The following SYT17 variants were observed in gnomAD, a reference collection of about 807,000 sequenced individuals.
The protein encoded by SYT17 is synaptotagmin-17.
SYT17 carries 22 observed loss-of-function variants against 46.7 expected under a neutral mutation model. That is an observed-to-expected ratio of 0.47 (90% CI 0.34 to 0.67). The LOEUF (loss-of-function observed/expected upper bound fraction) is 0.67. Ranked by LOEUF, SYT17 falls within the 30% of genes least tolerant of loss-of-function variation. The probability of loss-of-function intolerance (pLI) is 0.01; values close to 1 mark genes in which losing one functional copy is unlikely to be tolerated. For synonymous variants in SYT17, 251 were observed against 248.4 expected, an observed-to-expected ratio of 1.01 and a Z score of -0.10; for missense variants, 519 against 612.8, an observed-to-expected ratio of 0.85 and a Z score of 1.62.
chr16:19,197,714 C>T (rs1351622180), intron 5 of SYT17, among the ~76,000 whole-genome samples: 1 of 152,158 alleles, frequency 6.6e-6, no homozygotes, highest in Non-Finnish European at 1.5e-5. Context: ...GCATGAACCA[C>T]CGTGACCTGC....
At chr16:19,235,677 G>A (rs903470224) in intron 7 of SYT17, among the ~76,000 whole-genome samples, 8 of 152,180 alleles carry the variant, frequency 5.3e-5, no homozygotes, top group African/African-American at 1.9e-4. Flanking sequence ...GCTCCACGAA[G>A]TAAGGGTGAA....
At chr16:19,179,635 A>G (rs989861853) in intron 3 of SYT17, among the ~76,000 whole-genome samples, 1 of 152,194 alleles carries the variant, frequency 6.6e-6, no homozygotes, top group Non-Finnish European at 1.5e-5. Context: ...TACTGTCAAT[A>G]TTTCCACTTT....
At chr16:19,185,936 C>T (rs781415080) in intron 5 of SYT17, among the ~76,000 whole-genome samples, 4 of 152,170 alleles carry the variant, frequency 2.6e-5, no homozygotes, top group East Asian at 1.9e-4. Flanking sequence ...AGACAAGAGG[C>T]GGGGAGTGTT....
intron 7 of SYT17, among the ~76,000 whole-genome samples, chr16:19,239,579 A>C (rs1305616209): frequency 6.6e-6 from 1 of 152,228 alleles, no homozygotes; most frequent in Non-Finnish European, 1.5e-5. Context: ...AACAGCAAAC[A>C]CTTAAATCGT....
In SYT17 at chr16:19,178,333, C is replaced by T. The variant is rs1441964984; in HGVS notation, c.183-2058C>T. ...ATGTCCTGACCTCGTGATCCACCCGCCTCAGCCTCCCAAAATGCTGGGATT... is the reference window on the plus strand; with the variant it reads ...ATGTCCTGACCTCGTGATCCACCCGTCTCAGCCTCCCAAAATGCTGGGATT... On this transcript the variant is annotated intron_variant, in intron 3 of 7. Coordinates refer to ENST00000355377, the MANE Select transcript of SYT17 (RefSeq NM_016524.4). Among the ~76,000 whole-genome samples the T allele has an allele frequency of 2.6e-5, 4 of 152,228 alleles. No individual in the cohort carries two copies. In the South Asian group the frequency reaches 8.3e-4, roughly 32 times the overall value.
chr16:19,248,428 T>C (rs1185248615), intron 7 of SYT17, among the ~76,000 whole-genome samples: 2 of 152,344 alleles, frequency 1.3e-5, no homozygotes, highest in Non-Finnish European at 1.5e-5. Context: ...TATGCAGATG[T>C]TCCTGGAAGC....
At chr16:19,189,338 CTT>C (rs35195326) in intron 5 of SYT17, among the ~76,000 whole-genome samples, 4 of 129,558 alleles carry the variant, frequency 3.1e-5, no homozygotes, top group Non-Finnish European at 3.3e-5. Flanking sequence ...CTCAACCTGT[CTT>C]TTTTTTTTTT....
chr16:19,223,668 A>G (rs976036984), intron 6 of SYT17, among the ~76,000 whole-genome samples: 30 of 152,302 alleles, frequency 2.0e-4, no homozygotes, highest in African/African-American at 6.5e-4. Flanking sequence ...ACAGCAAAGG[A>G]TATTACTGTG....
intron 3 of SYT17, among the ~76,000 whole-genome samples, chr16:19,175,592 A>G (rs1190036334): frequency 6.9e-6 from 1 of 144,606 alleles, no homozygotes; most frequent in Non-Finnish European, 1.5e-5. Flanking sequence ...TCAGGGCTGC[A>G]GTGAGCTATA....
At chr16:19,208,151 A>G (rs1194482806) in intron 5 of SYT17, among the ~76,000 whole-genome samples, 1 of 152,228 alleles carries the variant, frequency 6.6e-6, no homozygotes, top group Admixed American at 6.5e-5. Context: ...TTATCAGGAA[A>G]CATAGTAAAA....
intron 7 of SYT17, among the ~76,000 whole-genome samples, chr16:19,229,949 G>T (rs1328676154): frequency 1.3e-5 from 2 of 152,160 alleles, no homozygotes; most frequent in African/African-American, 4.8e-5. Context: ...AGTGAAACAA[G>T]CCAGATATGA....
At chr16:19,261,919 A>G (rs1009327714) in intron 7 of SYT17, among the ~76,000 whole-genome samples, 1 of 152,174 alleles carries the variant, frequency 6.6e-6, no homozygotes, top group Non-Finnish European at 1.5e-5. Flanking sequence ...CCTCCCAAAG[A>G]CAAACTTAGT....
In SYT17 at chr16:19,267,003, T is replaced by A; in HGVS notation, c.1352T>A (p.Val451Glu). The A allele has an allele frequency of 6.2e-7, 1 of 1,611,924 alleles. No individual in the cohort carries two copies. The highest frequency in any genetic ancestry group is 2.2e-5 in the East Asian group (1 of 44,768). ...RRMLNTHRTA[V>E]EQWHSLRSRA... is the part of the protein sequence containing the mutation. ...ATGCTCAACACGCACCGCACAGCCG[T>A]GGAGCAGTGGCATAGCCTGAGGTCC... The change falls in exon 8 of 8, where the codon GTG becomes GAG. Residue 451 changes from valine (V) to glutamate (E), a missense_variant. Physicochemically the swap from Val to Glu is moderately radical, Grantham distance 121. Coordinates refer to ENST00000355377, the MANE Select transcript of SYT17 (RefSeq NM_016524.4).
intron 5 of SYT17, among the ~76,000 whole-genome samples, chr16:19,211,816 C>A (rs938259912): frequency 6.6e-6 from 1 of 151,904 alleles, no homozygotes; most frequent in Non-Finnish European, 1.5e-5. Flanking sequence ...TTAGTAGAGA[C>A]TCGGTTTCAC....
chr16:19,252,511 A>T (rs1968238875), intron 7 of SYT17, among the ~76,000 whole-genome samples: 1 of 22,232 alleles, frequency 4.5e-5, no homozygotes, highest in Admixed American at 7.8e-4. Flanking sequence ...ATATACATAT[A>T]TATATACATA....
intron 3 of SYT17, among the ~76,000 whole-genome samples, chr16:19,176,138 T>C (rs1262736044): frequency 6.6e-6 from 1 of 152,144 alleles, no homozygotes; most frequent in Non-Finnish European, 1.5e-5. Context: ...CATCAGAGCC[T>C]TTCTCTCTCT....
In SYT17 at chr16:19,182,767, G is replaced by A. The variant is rs181866197; in HGVS notation, c.332-761G>A. On this transcript the variant is annotated intron_variant, in intron 4 of 7. Coordinates refer to ENST00000355377, the MANE Select transcript of SYT17 (RefSeq NM_016524.4). ...CAATGCATTCTGCTGGTTCATGGAAGGGAGAGAGGCGGCCCGTAAGCGGTG... is the reference window on the plus strand; with the variant it reads ...CAATGCATTCTGCTGGTTCATGGAAAGGAGAGAGGCGGCCCGTAAGCGGTG... 3.4e-3 allele frequency among the ~76,000 whole-genome samples: 522 copies of A among 152,374 alleles called. 2 individuals are homozygous for A. Among genetic ancestry groups the A allele is most frequent in the South Asian group, 6.6e-3 (32 of 4,824 alleles).
intron 7 of SYT17, among the ~76,000 whole-genome samples, chr16:19,240,343 G>T (rs958798874): frequency 6.6e-6 from 1 of 152,064 alleles, no homozygotes; most frequent in African/African-American, 2.4e-5. Flanking sequence ...GAGGGGACCC[G>T]TAACAGGTAG....
intron 5 of SYT17, among the ~76,000 whole-genome samples, chr16:19,206,395 C>T (rs763018278): frequency 1.3e-5 from 2 of 152,100 alleles, no homozygotes; most frequent in African/African-American, 2.4e-5. Flanking sequence ...AGAGGTTCAG[C>T]GGCATGGCTG....
Sources: gnomAD v4.1 joint callset for allele counts (sites outside exome capture counted in the v4.1 genomes callset) on GRCh38, gnomAD v4.1.1 for gene constraint, MANE v1.5 for transcripts, NCBI Gene and HGNC (gene_info 2026-07-23, HGNC 2026-07-21) for gene names.